The following SV2C variants were observed in gnomAD, a reference collection of about 807,000 sequenced individuals.
SV2C encodes the protein solute carrier family 22 member B3.
Under a neutral mutation model 79.7 loss-of-function variants are expected in SV2C, and 49 were observed. The ratio of observed to expected loss-of-function variants is 0.61; its 90% confidence interval spans 0.49 to 0.78. The LOEUF (loss-of-function observed/expected upper bound fraction) is 0.78, where lower values mean the gene tolerates loss of function less well. Ranked by LOEUF, SV2C falls within the 30% of genes least tolerant of loss-of-function variation. SV2C has a pLI of 0.00. For synonymous variants in SV2C, 334 were observed against 333.2 expected (o/e 1.00, Z -0.03); for missense variants, 833 against 912.9 (o/e 0.91, Z 1.13).
the SV2C span, chr5:75,910,774 C>G: frequency 1.8e-4 from 249 of 1,350,802 alleles, 2 homozygotes; most frequent in African/African-American, 3.1e-3. Context: ...TTCTTTATAA[C>G]AGTCATGTTG....
the SV2C span, among the ~76,000 whole-genome samples, chr5:75,900,507 C>T: frequency 6.6e-6 from 1 of 152,140 alleles, no homozygotes; most frequent in African/African-American, 2.4e-5. Flanking sequence ...TTTTTTCCTT[C>T]ATTTCAACTT....
the SV2C span, among the ~76,000 whole-genome samples, chr5:76,014,931 G>A: frequency 5.3e-5 from 8 of 152,144 alleles, no homozygotes; most frequent in Non-Finnish European, 8.8e-5. Context: ...TTACAGCCTA[G>A]TTAAGGGACC....
intron 4 of SV2C, among the ~76,000 whole-genome samples, chr5:76,210,105 G>A (rs1744726169): frequency 6.6e-6 from 1 of 152,156 alleles, no homozygotes; most frequent in African/African-American, 2.4e-5. Flanking sequence ...TGTAATGGGG[G>A]GAAAATATTT....
At chr5:76,133,466 T>C (rs1748971014) in intron 2 of SV2C, among the ~76,000 whole-genome samples, 1 of 152,286 alleles carries the variant, frequency 6.6e-6, no homozygotes, top group Non-Finnish European at 1.5e-5. Context: ...TAATTTGTTC[T>C]GTGACAACAC....
chr5:76,162,556 A>T (rs920589379), intron 2 of SV2C, among the ~76,000 whole-genome samples: 1 of 152,192 alleles, frequency 6.6e-6, no homozygotes, highest in African/African-American at 2.4e-5. Context: ...ATGCTTCCTG[A>T]CAGTCTTATC....
At chr5:75,937,702 C>CT in the SV2C span, among the ~76,000 whole-genome samples, 1 of 152,014 alleles carries the variant, frequency 6.6e-6, no homozygotes, top group Admixed American at 6.6e-5. Context: ...CAGGGAGACT[C>CT]TGTCTAAAGA....
At chr5:76,160,608 C>A (rs1020752596) in intron 2 of SV2C, among the ~76,000 whole-genome samples, 3 of 152,064 alleles carry the variant, frequency 2.0e-5, no homozygotes, top group Admixed American at 6.6e-5. Context: ...GACAAAACAG[C>A]CCACAGAATG....
the SV2C span, among the ~76,000 whole-genome samples, chr5:76,014,029 T>C: frequency 6.6e-6 from 1 of 151,530 alleles, no homozygotes; most frequent in African/African-American, 2.4e-5. Context: ...TGTCAAAAAA[T>C]GCAGCACTTC....
At chr5:75,968,414 G>A in the SV2C span, among the ~76,000 whole-genome samples, 5 of 152,050 alleles carry the variant, frequency 3.3e-5, no homozygotes, top group Non-Finnish European at 7.4e-5. Context: ...TGGCAAAGAA[G>A]TTAAAAACTT....
chr5:76,293,228 G>T (rs1484733697), intron 8 of SV2C, among the ~76,000 whole-genome samples: 1 of 152,148 alleles, frequency 6.6e-6, no homozygotes, highest in African/African-American at 2.4e-5. Context: ...GGAAGGGAAG[G>T]CTAAATATTA....
chr5:75,967,155 G>A, the SV2C span, among the ~76,000 whole-genome samples: 6 of 152,200 alleles, frequency 3.9e-5, no homozygotes, highest in Middle Eastern at 3.4e-3. Flanking sequence ...GCAACATGGT[G>A]AGACCCTATC....
At chr5:76,199,968 AG>A (rs1213373047) in intron 3 of SV2C, among the ~76,000 whole-genome samples, 2 of 152,220 alleles carry the variant, frequency 1.3e-5, no homozygotes, top group East Asian at 3.8e-4. Context: ...GCTTCCCCAA[AG>A]GGACTGAAGG....
intron 12 of SV2C, among the ~76,000 whole-genome samples, chr5:76,311,639 T>G (rs1338328688): frequency 6.6e-6 from 1 of 152,248 alleles, no homozygotes; most frequent in Non-Finnish European, 1.5e-5. Flanking sequence ...GCCTATTATA[T>G]GTAATGTAGA....
At chr5:75,875,631 G>A in the SV2C span, among the ~76,000 whole-genome samples, 6 of 151,714 alleles carry the variant, frequency 4.0e-5, no homozygotes, top group Non-Finnish European at 8.9e-5. Context: ...AACTATCAAC[G>A]GGGTAAACAG....
At chr5:76,045,239 T>G in the SV2C span, among the ~76,000 whole-genome samples, 1 of 152,202 alleles carries the variant, frequency 6.6e-6, no homozygotes, top group Non-Finnish European at 1.5e-5. Context: ...GTAGTCTTAT[T>G]TCTGAGATCC....
chr5:76,180,856 C>T (rs970225487), intron 2 of SV2C, among the ~76,000 whole-genome samples: 1 of 152,226 alleles, frequency 6.6e-6, no homozygotes, highest in Admixed American at 6.5e-5. Flanking sequence ...CTTGTCCACA[C>T]TTTCTTACCT....
At chr5:76,102,474 T>C (rs564006252) in intron 1 of SV2C, among the ~76,000 whole-genome samples, 1 of 152,172 alleles carries the variant, frequency 6.6e-6, no homozygotes, top group Admixed American at 6.5e-5. Flanking sequence ...AATTACTCTA[T>C]GTTGTGAATG....
chr5:76,186,677 G>A (rs987180926), intron 2 of SV2C, among the ~76,000 whole-genome samples: 2 of 99,142 alleles, frequency 2.0e-5, no homozygotes, highest in African/African-American at 8.6e-5. Flanking sequence ...GGGCAACAAA[G>A]TGAGACCTTA....
chr5:76,301,415 T>C lies in SV2C; in HGVS notation c.1870T>C (p.Cys624Arg). The change falls in exon 12 of 13, where the codon TGT (cysteine) becomes CGT (arginine). Residue 624 changes from cysteine to arginine, a missense_variant. Transcript: ENST00000502798. Reference sequence around the variant, plus strand: ...CTCTATGGTGCTTTCGGGGATCAGCTGTTTCTTCCTTTGGTTCGGCACCAG... The same window carrying C: ...CTCTATGGTGCTTTCGGGGATCAGCCGTTTCTTCCTTTGGTTCGGCACCAG... ...GGSMVLSGIS[C>R]FFLWFGTSES... 6.2e-7 allele frequency: 1 copy of C among 1,614,112 alleles called. No individual in the cohort carries two copies. The highest frequency in any genetic ancestry group is 8.5e-7 in the Non-Finnish European group (1 of 1,179,984).
Sources: allele counts gnomAD v4.1 joint callset (sites outside exome capture counted in the v4.1 genomes callset), GRCh38; gene constraint gnomAD v4.1.1; transcripts MANE v1.5; gene names NCBI Gene and HGNC (gene_info 2026-07-23, HGNC 2026-07-21).